Variants in PACSIN2 observed in about 807,000 individuals in gnomAD.
PACSIN2 encodes the protein protein kinase C and casein kinase substrate in neurons 2.
PACSIN2 carries 25 observed loss-of-function variants against 63.8 expected under a neutral mutation model. The ratio of observed to expected loss-of-function variants is 0.39; its 90% CI spans 0.29 to 0.55. The LOEUF is 0.55. Among genes scored for constraint, PACSIN2 ranks in the 20% least tolerant of loss-of-function variants. PACSIN2 has a pLI of 0.62. For synonymous variants in PACSIN2, 255 were observed against 256.2 expected (o/e 1.00, Z 0.05); for missense variants, 518 against 646.9 (o/e 0.80, Z 2.16).
chr22:42,941,344 C>T (rs1933150591), intron 1 of PACSIN2, among the ~76,000 whole-genome samples: 3 of 152,334 alleles, frequency 2.0e-5, no homozygotes, highest in South Asian at 4.1e-4. Context: ...AATAGTGCTG[C>T]TATTACCATT....
At chr22:42,920,615 G>A (rs1203129526) in intron 1 of PACSIN2, among the ~76,000 whole-genome samples, 1 of 151,996 alleles carries the variant, frequency 6.6e-6, no homozygotes, top group African/African-American at 2.4e-5. Flanking sequence ...AGGCCGCACC[G>A]CCCATGGTGG....
At chr22:42,922,871 A>G (rs1932285931) in intron 1 of PACSIN2, among the ~76,000 whole-genome samples, 2 of 152,198 alleles carry the variant, frequency 1.3e-5, no homozygotes, top group South Asian at 4.1e-4. Context: ...TGTGAAAAGC[A>G]CCAGGACACA....
Position 42,871,136 on chromosome 22 carries a change from C to G in PACSIN2, c.*221G>C. ...AGTGGGCGGGGAGGGGCGGCTATTT[C>G]TGTTGTTCTGCGTCTTCCTGCGCTC... On this transcript the variant is annotated 3_prime_UTR_variant, in exon 11 of 11. Transcript: ENST00000263246. The surrounding 1 kb of genome is among the most constrained non-coding windows in gnomAD (Gnocchi z 5.4). 3.4e-6 allele frequency: 2 copies of G among 580,126 alleles called. No homozygotes were observed. Among genetic ancestry groups the G allele is most frequent in the South Asian group, 4.1e-5 (2 of 49,364 alleles). The allele number at this position is 580,126 out of a possible 1,614,324, so 35.9% of individuals were successfully genotyped here.
In PACSIN2 at chr22:42,982,891, C is replaced by CAAAAAAAAAAAAACA. The variant is rs1227335781; in HGVS notation, c.-78+32129_-78+32130insTGTTTTTTTTTTTTT. Among the ~76,000 whole-genome samples, 105 of 82,710 alleles carry CAAAAAAAAAAAAACA rather than the reference C, an allele frequency of 1.3e-3. 4 individuals carry two copies. The highest frequency in any genetic ancestry group is 4.2e-3 in the African/African-American group (101 of 24,118). 54.3% of individuals were successfully genotyped at this position (82,710 alleles called of 152,430 possible). ...CAATAAAAAAAAAAAAAAAAAAAAA[C>CAAAAAAAAAAAAACA]AACAACAAGGCTAGGAGCAGTGGCT... On this transcript the variant is annotated intron_variant, in intron 1 of 10. Transcript: ENST00000263246.
At chr22:42,989,640 C>A (rs1922874631) in intron 1 of PACSIN2, among the ~76,000 whole-genome samples, 1 of 148,274 alleles carries the variant, frequency 6.7e-6, no homozygotes, top group African/African-American at 2.5e-5. Flanking sequence ...ACTAAAAATA[C>A]AAAAAAAATT....
chr22:42,996,978 T>C (rs1044371812), intron 1 of PACSIN2, among the ~76,000 whole-genome samples: 1 of 152,228 alleles, frequency 6.6e-6, no homozygotes, highest in African/African-American at 2.4e-5. Flanking sequence ...TTTTTAAAAA[T>C]AATTCTGATA....
chr22:42,987,449 AACACACACACACACACACACAC>A (rs745523623), intron 1 of PACSIN2, among the ~76,000 whole-genome samples: 3 of 87,088 alleles, frequency 3.4e-5, no homozygotes, highest in African/African-American at 9.8e-5. Flanking sequence ...GTCCAGGAGC[AACACACACACACACACACACAC>A]ACACACACAC....
chr22:42,990,456 G>C (rs1431831911), intron 1 of PACSIN2, among the ~76,000 whole-genome samples: 1 of 152,176 alleles, frequency 6.6e-6, no homozygotes, highest in African/African-American at 2.4e-5. Flanking sequence ...CCCCACAGAA[G>C]ACAAACAGGT....
intron 1 of PACSIN2, among the ~76,000 whole-genome samples, chr22:42,917,840 G>A (rs568506030): frequency 2.0e-5 from 3 of 151,968 alleles, no homozygotes; most frequent in Non-Finnish European, 2.9e-5. Context: ...GCCCCGGCTG[G>A]CCTTTAACTC....
At chr22:42,940,174 A>G (rs1601552000) in intron 1 of PACSIN2, among the ~76,000 whole-genome samples, 2 of 152,224 alleles carry the variant, frequency 1.3e-5, no homozygotes, top group East Asian at 3.8e-4. Context: ...TACAGAACAA[A>G]CAGTAAAACC....
chr22:42,890,015 T>TG (rs112345080), intron 4 of PACSIN2, among the ~76,000 whole-genome samples: 3 of 151,418 alleles, frequency 2.0e-5, no homozygotes, highest in African/African-American at 7.3e-5. Context: ...TTTTTTTTTT[T>TG]TTTTTGAGAC....
chr22:42,901,054 C>G lies in PACSIN2; in HGVS notation c.61-7441G>C, dbSNP rs1930650526. Reference sequence around the variant, plus strand: ...AACAAAGTTCCCAGGAACCCCAAGCCTGTAAACTTCTAGGACCGGTTGCCA... The same window carrying G: ...AACAAAGTTCCCAGGAACCCCAAGCGTGTAAACTTCTAGGACCGGTTGCCA... On this transcript the variant is annotated intron_variant, in intron 2 of 10. Coordinates refer to ENST00000263246, the MANE Select transcript of PACSIN2 (RefSeq NM_001184970.3). 1.3e-5 allele frequency among the ~76,000 whole-genome samples: 2 copies of G among 152,194 alleles called. 1 individual carries two copies. The highest frequency in any genetic ancestry group is 4.1e-4 in the South Asian group (2 of 4,828).
rs567051455 is a variant in PACSIN2 at position 42,974,175 on chromosome 22, C to G, written c.-78+40846G>C. Among the ~76,000 whole-genome samples the G allele has an allele frequency of 3.1e-3, 469 of 152,260 alleles. 3 individuals carry two copies. The highest frequency in any genetic ancestry group is 0.011 in the African/African-American group (462 of 41,542). On this transcript the variant is annotated intron_variant, in intron 1 of 10. Coordinates refer to ENST00000263246, the MANE Select transcript of PACSIN2 (RefSeq NM_001184970.3). The stretch of plus-strand genomic sequence containing the variant: ...TCTCCTTCCCTCCGTATCCCTATGT[C>G]GACTCTGCTTCCGGTTATCCGCCAT...
chr22:43,002,190 G>C (rs1348763258), intron 1 of PACSIN2: 3 of 152,164 alleles, frequency 2.0e-5, no homozygotes, highest in African/African-American at 7.2e-5. Context: ...AGCTAGAGAT[G>C]AACTCTAAAG....
At chr22:42,893,770 GATA>G (rs1473588277) in intron 2 of PACSIN2, among the ~76,000 whole-genome samples, 157 bp from the exon 3 acceptor site, 1 of 152,220 alleles carries the variant, frequency 6.6e-6, no homozygotes, top group Non-Finnish European at 1.5e-5. Flanking sequence ...CGTGTAGTTA[GATA>G]ATGAGCCTCT....
At chr22:42,972,353 G>A (rs1921389188) in intron 1 of PACSIN2, among the ~76,000 whole-genome samples, 1 of 152,136 alleles carries the variant, frequency 6.6e-6, no homozygotes, top group Admixed American at 6.5e-5. Context: ...CCAGTACCCA[G>A]GGACATAAAC....
chr22:42,974,001 G>C lies in PACSIN2; in HGVS notation c.-78+41020C>G, dbSNP rs544970764. Among the ~76,000 whole-genome samples the C allele has an allele frequency of 3.3e-5, 5 of 152,294 alleles. No homozygotes were observed. In the South Asian group the frequency reaches 1.0e-3, roughly 32 times the overall value. On this transcript the variant is annotated intron_variant, in intron 1 of 10. Coordinates refer to ENST00000263246, the MANE Select transcript of PACSIN2 (RefSeq NM_001184970.3). ...CTCACAGCCCACGAGCTGTGGAATCGCAATTCAATTTACCTCAGAGCCTCT... is the reference window on the plus strand; with the variant it reads ...CTCACAGCCCACGAGCTGTGGAATCCCAATTCAATTTACCTCAGAGCCTCT...
intron 1 of PACSIN2, among the ~76,000 whole-genome samples, chr22:42,914,319 G>A (rs542769115): frequency 6.6e-6 from 1 of 152,266 alleles, no homozygotes; most frequent in African/African-American, 2.4e-5. Flanking sequence ...TAAAACCTCT[G>A]CTTCCCAGGT....
intron 1 of PACSIN2, among the ~76,000 whole-genome samples, chr22:42,961,309 C>T (rs964736978): frequency 3.9e-5 from 6 of 152,214 alleles, no homozygotes; most frequent in East Asian, 3.8e-4. Context: ...TAGACAAACA[C>T]TGCGGAAGGC....
Sources: gnomAD v4.1 joint callset for allele counts (sites outside exome capture counted in the v4.1 genomes callset) on GRCh38, gnomAD v4.1.1 for gene constraint, Gnocchi (gnomAD v3.1) non-coding constraint, MANE v1.5 for transcripts, NCBI Gene and HGNC (gene_info 2026-07-23, HGNC 2026-07-21) for gene names.